The following ASTN1 variants were observed in gnomAD, a reference collection of about 807,000 sequenced individuals.
ASTN1 encodes the protein astrotactin 1, also known as astrotactin-1.
Under a neutral mutation model 140.7 loss-of-function variants are expected in ASTN1, and 41 were observed. The observed-to-expected ratio is 0.29, with a 90% CI of 0.23 to 0.38. The LOEUF is 0.38. ASTN1 is among the 10% of genes least tolerant of loss of function. The probability of loss-of-function intolerance (pLI) is 1.00; values close to 1 mark genes in which losing one functional copy is unlikely to be tolerated. For missense variants in ASTN1, 1,479 were observed against 1,678.8 expected (o/e 0.88, Z 2.08); for synonymous variants, 640 against 652.2 (o/e 0.98, Z 0.29).
At chr1:176,942,539 C>A (rs1671763183) in intron 14 of ASTN1, among the ~76,000 whole-genome samples, 1 of 151,956 alleles carries the variant, frequency 6.6e-6, no homozygotes, top group East Asian at 1.9e-4. Context: ...AGGAAAATAT[C>A]TTGGGCCCCC....
intron 18 of ASTN1, among the ~76,000 whole-genome samples, chr1:176,887,003 C>T (rs993712333): frequency 5.9e-5 from 9 of 152,178 alleles, no homozygotes; most frequent in Non-Finnish European, 1.0e-4. Flanking sequence ...AGTTCTGTTT[C>T]GTCTTCCATT....
At chr1:176,910,373 A>C (rs549863747) in intron 16 of ASTN1, among the ~76,000 whole-genome samples, 1 of 152,300 alleles carries the variant, frequency 6.6e-6, no homozygotes, top group Non-Finnish European at 1.5e-5. Flanking sequence ...TGTTGACAGC[A>C]GTGAAAAGTC....
chr1:176,872,247 T>G (rs1035821741), intron 21 of ASTN1, among the ~76,000 whole-genome samples: 1 of 152,166 alleles, frequency 6.6e-6, no homozygotes, highest in African/African-American at 2.4e-5. Flanking sequence ...AAGCTTGTAT[T>G]TATTGATTTA....
intron 2 of ASTN1, among the ~76,000 whole-genome samples, chr1:177,046,049 A>G (rs935415448): frequency 2.0e-5 from 3 of 152,178 alleles, no homozygotes; most frequent in African/African-American, 4.8e-5. Context: ...ACTTCATTCT[A>G]TAATTGGGGA....
intron 8 of ASTN1, among the ~76,000 whole-genome samples, chr1:177,001,668 G>T (rs1337767461): frequency 1.3e-5 from 2 of 152,144 alleles, no homozygotes; most frequent in Non-Finnish European, 1.5e-5. Context: ...AATGTGAGCA[G>T]GTGAACGTTA....
chr1:176,998,341 C>G (rs1674552206), intron 8 of ASTN1, among the ~76,000 whole-genome samples: 2 of 152,016 alleles, frequency 1.3e-5, no homozygotes, highest in East Asian at 3.9e-4. Flanking sequence ...TTTAAAGCAC[C>G]CAGAAGAGTG....
intron 2 of ASTN1, among the ~76,000 whole-genome samples, chr1:177,056,755 C>T (rs756872104): frequency 6.6e-6 from 1 of 152,030 alleles, no homozygotes; most frequent in African/African-American, 2.4e-5. Context: ...CGTTTGCGTA[C>T]TTTAAGAAGA....
At chr1:177,021,387 A>C (rs960489465) in intron 7 of ASTN1, among the ~76,000 whole-genome samples, 11 of 152,194 alleles carry the variant, frequency 7.2e-5, no homozygotes, top group African/African-American at 2.2e-4. Flanking sequence ...TTGATGGGAG[A>C]GCTTTGCTGT....
At chr1:176,870,464 C>CT (rs1468042728) in intron 21 of ASTN1, among the ~76,000 whole-genome samples, 3 of 152,216 alleles carry the variant, frequency 2.0e-5, no homozygotes. Context: ...TATTTCTTTA[C>CT]TTTTTTGTCT....
At chr1:177,011,842 T>C (rs1675311754) in intron 8 of ASTN1, among the ~76,000 whole-genome samples, 1 of 152,060 alleles carries the variant, frequency 6.6e-6, no homozygotes, top group Non-Finnish European at 1.5e-5. Flanking sequence ...AAAAAATCAA[T>C]TTGTAACTTC....
intron 16 of ASTN1, among the ~76,000 whole-genome samples, chr1:176,897,274 CA>C (rs56828059): frequency 0.024 from 1,037 of 44,102 alleles, 4 homozygotes; most frequent in Non-Finnish European, 0.028. Context: ...GACTCCGTCT[CA>C]AAAAAAAAAA....
At position 176,941,795 on chromosome 1, in the gene ASTN1, C is replaced by A. The variant is rs555991746; in HGVS notation, c.2377+2096G>T. Among the ~76,000 whole-genome samples the A allele has an allele frequency of 3.9e-5, 6 of 152,328 alleles. No homozygotes were observed. In the South Asian group the frequency reaches 1.2e-3, roughly 32 times the overall value. ...TTAAACAGAGCCACGTATCTTATTA[C>A]TGGTGTGGTACCTACGCTATTTGTA... On this transcript the variant is annotated intron_variant, in intron 14 of 22. Transcript: ENST00000361833.
chr1:176,906,909 G>C (rs1473594545), intron 16 of ASTN1, among the ~76,000 whole-genome samples: 2 of 151,834 alleles, frequency 1.3e-5, no homozygotes, highest in African/African-American at 2.4e-5. Flanking sequence ...AGGAAGATGT[G>C]TGATTTCTTT....
At chr1:176,960,598 A>G (rs1249329904) in intron 9 of ASTN1, among the ~76,000 whole-genome samples, 5 of 152,052 alleles carry the variant, frequency 3.3e-5, no homozygotes, top group African/African-American at 1.2e-4. Context: ...TCTTCCACCA[A>G]CTTAAACTGT....
chr1:176,957,693 G>A lies in ASTN1; in HGVS notation c.1872C>T (p.Asp624=). 1 of 1,614,050 alleles carries A rather than the reference G, an allele frequency of 6.2e-7. No homozygotes were observed. Among genetic ancestry groups the A allele is most frequent in the African/African-American group, 1.3e-5 (1 of 75,016 alleles). ...NFRCISDRKL[D]STGCVCPSGL... ...GCAGACCTACCACGCAACCAGTGGAGTCCAGCTTGCGATCTGAAATACAGC... is the reference window on the plus strand; with the variant it reads ...GCAGACCTACCACGCAACCAGTGGAATCCAGCTTGCGATCTGAAATACAGC... The change falls in exon 11 of 23, where the codon GAC becomes GAT. Residue 624 remains aspartate (D), a synonymous_variant. Transcript: ENST00000361833.
chr1:176,930,089 G>A (rs1053889395), intron 16 of ASTN1, among the ~76,000 whole-genome samples: 3 of 152,166 alleles, frequency 2.0e-5, no homozygotes, highest in African/African-American at 4.8e-5. Flanking sequence ...ATACACACGA[G>A]GGAACGATTG....
chr1:176,940,520 G>A (rs975512962), intron 14 of ASTN1, among the ~76,000 whole-genome samples: 1 of 152,094 alleles, frequency 6.6e-6, no homozygotes, highest in Non-Finnish European at 1.5e-5. Context: ...TTTCTCAACC[G>A]ACAGCCTCCA....
intron 8 of ASTN1, among the ~76,000 whole-genome samples, chr1:176,984,900 C>T (rs1673811933): frequency 6.6e-6 from 1 of 152,194 alleles, no homozygotes; most frequent in Admixed American, 6.5e-5. Context: ...CCAGTTGTCA[C>T]TGAACTGCCT....
intron 1 of ASTN1, among the ~76,000 whole-genome samples, chr1:177,159,031 C>A (rs1405133483): frequency 1.9e-4 from 27 of 139,722 alleles, no homozygotes; most frequent in Non-Finnish European, 3.2e-4. Flanking sequence ...TGTGCCACTG[C>A]ACTCCAGCCT....
Sources: gnomAD v4.1 joint callset for allele counts (sites outside exome capture counted in the v4.1 genomes callset) on GRCh38, gnomAD v4.1.1 for gene constraint, MANE v1.5 for transcripts, NCBI Gene and HGNC (gene_info 2026-07-23, HGNC 2026-07-21) for gene names.